Variants in AKAP10 observed in about 807,000 individuals in gnomAD.
AKAP10 encodes the protein A-kinase anchor protein 10, mitochondrial.
In AKAP10, 24 loss-of-function variants were observed where a neutral mutation model predicts 80.8. The ratio of observed to expected loss-of-function variants is 0.30; its 90% CI spans 0.22 to 0.42. The LOEUF is 0.42. Among genes scored for constraint, AKAP10 ranks in the 10% least tolerant of loss-of-function variants. The pLI, the probability that AKAP10 is intolerant of heterozygous loss-of-function variation, is 1.00. For synonymous variants in AKAP10, 291 were observed against 277.7 expected (o/e 1.05, Z -0.48); for missense variants, 661 against 794.9 (o/e 0.83, Z 2.03).
intron 7 of AKAP10, among the ~76,000 whole-genome samples, chr17:19,940,427 T>G (rs2043039865): frequency 6.6e-6 from 1 of 152,230 alleles, no homozygotes; most frequent in Non-Finnish European, 1.5e-5. Context: ...AGCATTATAC[T>G]AAACTGTATG....
At chr17:19,946,258 TA>T (rs1349109513) in intron 5 of AKAP10, among the ~76,000 whole-genome samples, 1 of 24,690 alleles carries the variant, frequency 4.1e-5, no homozygotes, top group Non-Finnish European at 7.4e-5. Context: ...TATATATATA[TA>T]TATATATATA....
At chr17:19,923,769 G>A (rs924762733) in intron 11 of AKAP10, among the ~76,000 whole-genome samples, 31 of 151,960 alleles carry the variant, frequency 2.0e-4, no homozygotes, top group Admixed American at 6.6e-5. Context: ...CTCGTGATCC[G>A]CCCACCTCGG....
At chr17:19,922,121 G>T (rs568240001) in intron 11 of AKAP10, among the ~76,000 whole-genome samples, 2 of 151,948 alleles carry the variant, frequency 1.3e-5, no homozygotes, top group Admixed American at 1.3e-4. Flanking sequence ...CCTTTTATAA[G>T]AATAATGCCA....
chr17:19,910,065 T>C lies in AKAP10; in HGVS notation c.1835-87A>G, dbSNP rs1175898233. The C allele has an allele frequency of 1.7e-5, 22 of 1,331,328 alleles. No homozygotes were observed. In the Admixed American group the frequency reaches 2.0e-4, roughly 12 times the overall value. The allele number at this position is 1,331,328 out of a possible 1,614,324, so 82.5% of individuals were successfully genotyped here. A position where few individuals can be genotyped will look rare whatever the true frequency, so the allele number is the denominator to read the frequency against. On this transcript the variant is annotated intron_variant, in intron 12 of 14. Transcript: ENST00000225737. Reference sequence around the variant, plus strand: ...TTATTTGGCTGGCCATGGTGGTTCATGCCTGTAATTCCAGCACTTTGGGAG... The same window carrying C: ...TTATTTGGCTGGCCATGGTGGTTCACGCCTGTAATTCCAGCACTTTGGGAG...
In AKAP10 at chr17:19,958,581, A is replaced by G; in HGVS notation, c.320-10T>C. 1 of 1,572,904 alleles carries G rather than the reference A, an allele frequency of 6.4e-7. No homozygotes were observed. The highest frequency in any genetic ancestry group is 8.6e-7 in the Non-Finnish European group (1 of 1,166,560). ...TCCAGACAAGATCTGCCTAAAAGAT[A>G]GAAGCAAAAGAATTAGCAGTTCAGC... On this transcript the variant is annotated splice_polypyrimidine_tract_variant and intron_variant, in intron 3 of 14. Coordinates refer to ENST00000225737, the MANE Select transcript of AKAP10 (RefSeq NM_007202.4).
chr17:19,941,788 C>T, intron 6 of AKAP10, 38 bp downstream of exon 6: 1 of 1,477,690 alleles, frequency 6.8e-7, no homozygotes, highest in Non-Finnish European at 9.1e-7. Flanking sequence ...AACCCAAATT[C>T]CCTAGGATGC....
At chr17:19,960,796 C>T (rs2043339317) in intron 3 of AKAP10, among the ~76,000 whole-genome samples, 1 of 151,768 alleles carries the variant, frequency 6.6e-6, no homozygotes, top group Admixed American at 6.6e-5. Flanking sequence ...GAGGCCGAGG[C>T]GGGCTGATCA....
intron 11 of AKAP10, among the ~76,000 whole-genome samples, chr17:19,923,368 G>A (rs1218703250): frequency 1.3e-5 from 2 of 152,138 alleles, no homozygotes; most frequent in East Asian, 1.9e-4. Flanking sequence ...GTGAGCCACC[G>A]TGCCCGGCCT....
intron 2 of AKAP10, among the ~76,000 whole-genome samples, chr17:19,968,200 CCAA>C (rs2043446908): frequency 1.7e-5 from 1 of 59,682 alleles, no homozygotes; most frequent in African/African-American, 7.7e-5. Flanking sequence ...GACTCCGTCT[CCAA>C]AAAAAAAAAA....
At position 19,958,226 on chromosome 17, in the gene AKAP10, C is replaced by G. The variant is rs1278274340; in HGVS notation, c.665G>C (p.Gly222Ala). ...SAQLFMTHSE[G>A]IDLNNRTNST... Reference sequence around the variant, plus strand: ...GTTAGTTCTATTATTCAGGTCAATTCCTTCTGAATGAGTCATAAACAACTG... The same window carrying G: ...GTTAGTTCTATTATTCAGGTCAATTGCTTCTGAATGAGTCATAAACAACTG... The change falls in exon 4 of 15, where the codon GGA becomes GCA. Residue 222 changes from glycine (G) to alanine (A), a missense_variant. Coordinates refer to ENST00000225737, the MANE Select transcript of AKAP10 (RefSeq NM_007202.4). 6.2e-7 allele frequency: 1 copy of G among 1,614,112 alleles called. No homozygotes were observed. The highest frequency in any genetic ancestry group is 1.1e-5 in the South Asian group (1 of 91,064).
At chr17:19,976,913 A>C (rs945304139) in intron 1 of AKAP10, among the ~76,000 whole-genome samples, 3 of 152,152 alleles carry the variant, frequency 2.0e-5, no homozygotes, top group African/African-American at 7.2e-5. Flanking sequence ...ATGTATTTTT[A>C]ATGAAGTGCA....
Position 19,977,654 on chromosome 17 carries a change from C to T in AKAP10, c.26G>A (p.Arg9His). 8.1e-7 allele frequency: 1 copy of T among 1,235,246 alleles called. No homozygotes were observed. 76.5% of individuals were successfully genotyped at this position (1,235,246 alleles called of 1,614,324 possible). A position where few individuals can be genotyped will look rare whatever the true frequency, so the allele number is the denominator to read the frequency against. Residue 9 changes from arginine (R) to histidine (H), a missense_variant, in exon 1 of 15, where the codon CGC (arginine) becomes CAC (histidine). Physicochemically the swap from Arg to His is conservative, Grantham distance 29 (BLOSUM62 0). Coordinates refer to ENST00000225737, the MANE Select transcript of AKAP10 (RefSeq NM_007202.4). ...GGGACGGAGGGTGCGGGGGGACTGG[C>T]GCGGGGAGGGCCCGGCTCCCCTCAT... is the stretch of plus-strand genomic sequence containing the variant. MRGAGPSP[R>H]QSPRTLRPDP... is the part of the protein sequence containing the mutation.
At chr17:19,927,285 G>C (rs1250595381) in intron 10 of AKAP10, among the ~76,000 whole-genome samples, 2 of 152,094 alleles carry the variant, frequency 1.3e-5, no homozygotes, top group South Asian at 2.1e-4. Context: ...AGTGAGCTGT[G>C]ATTGTGCCAC....
intron 1 of AKAP10, among the ~76,000 whole-genome samples, chr17:19,972,381 C>T (rs915360997): frequency 1.3e-5 from 2 of 152,160 alleles, no homozygotes; most frequent in Non-Finnish European, 2.9e-5. Flanking sequence ...CCATACACGT[C>T]CTGGATGTAA....
rs2042992916 is a variant in AKAP10 at position 19,936,407 on chromosome 17, T to C, written c.1346A>G (p.His449Arg). 1 of 1,612,384 alleles carries C rather than the reference T, an allele frequency of 6.2e-7. No homozygotes were observed. Among genetic ancestry groups the C allele is most frequent in the African/African-American group, 1.3e-5 (1 of 74,888 alleles). Reference sequence around the variant, plus strand: ...TACAACATCATCAAATCCAAGAGGATGTGTGGCTTGGAGGGAGAAGTACCT... The same window carrying C: ...TACAACATCATCAAATCCAAGAGGACGTGTGGCTTGGAGGGAGAAGTACCT... ...YDKYFSLQATHPLGFDDVVRL... is the reference protein window; with the variant it reads ...YDKYFSLQATRPLGFDDVVRL... Residue 449 changes from histidine (H) to arginine (R), a missense_variant, in exon 9 of 15, where the codon CAT becomes CGT. Transcript: ENST00000225737.
chr17:19,971,502 C>T (rs2043497426), intron 1 of AKAP10, among the ~76,000 whole-genome samples: 1 of 149,356 alleles, frequency 6.7e-6, no homozygotes, highest in South Asian at 2.1e-4. Flanking sequence ...GAGTGAGACT[C>T]CATCTCAAAA....
intron 1 of AKAP10, among the ~76,000 whole-genome samples, chr17:19,969,258 T>C (rs531142302): frequency 8.7e-4 from 133 of 152,170 alleles, no homozygotes; most frequent in Middle Eastern, 3.4e-3. Flanking sequence ...AGGCAGAGAA[T>C]TGCTTGAACC....
chr17:19,940,308 G>C (rs538877071), intron 7 of AKAP10, among the ~76,000 whole-genome samples: 50 of 152,312 alleles, frequency 3.3e-4, no homozygotes, highest in Non-Finnish European at 6.5e-4. Flanking sequence ...TTGTAAAGAG[G>C]CAGAATCGAG....
chr17:19,977,137 C>T (rs2043579135), intron 1 of AKAP10, among the ~76,000 whole-genome samples: 1 of 152,104 alleles, frequency 6.6e-6, no homozygotes, highest in African/African-American at 2.4e-5. Context: ...CCCCTCCCCC[C>T]AAAGAGGAAA....
Sources: allele counts gnomAD v4.1 joint callset (sites outside exome capture counted in the v4.1 genomes callset), GRCh38; gene constraint gnomAD v4.1.1; transcripts MANE v1.5; gene names NCBI Gene and HGNC (gene_info 2026-07-23, HGNC 2026-07-21).